Variants in DLG2 observed in about 807,000 individuals in gnomAD.
DLG2 encodes discs large MAGUK scaffold protein 2.
In DLG2, 45 loss-of-function variants were observed where a neutral mutation model predicts 132.5. The observed-to-expected ratio is 0.34, with a 90% CI of 0.27 to 0.44. The LOEUF (loss-of-function observed/expected upper bound fraction) is 0.44, where lower values mean the gene tolerates loss of function less well. Ranked by LOEUF, DLG2 falls within the 20% of genes least tolerant of loss-of-function variation. DLG2 has a pLI of 1.00. For synonymous variants in DLG2, 424 were observed against 419.6 expected (o/e 1.01, Z -0.13); for missense variants, 1,045 against 1,196.9 (o/e 0.87, Z 1.87).
chr11:83,724,859 A>C, intron 18 of DLG2: 1 of 702,492 alleles, frequency 1.4e-6, no homozygotes, highest in South Asian at 1.5e-5. Flanking sequence ...TTCTCACCAC[A>C]GCTCTTTAGC....
At chr11:84,029,018 A>G (rs1351958652) in intron 11 of DLG2, among the ~76,000 whole-genome samples, 1 of 152,150 alleles carries the variant, frequency 6.6e-6, no homozygotes, top group African/African-American at 2.4e-5. Context: ...AATCAACTTT[A>G]AACAATTACT....
At chr11:84,908,270 A>G (rs10898328) in intron 6 of DLG2, among the ~76,000 whole-genome samples, 73,974 of 152,056 alleles carry the variant, frequency 0.49, 18,365 homozygotes, top group South Asian at 0.55. Context: ...ACAAAATATT[A>G]TCAATTCAAC....
intron 6 of DLG2, among the ~76,000 whole-genome samples, chr11:85,061,230 T>C (rs562741820): frequency 9.2e-5 from 14 of 151,850 alleles, no homozygotes; most frequent in Non-Finnish European, 1.9e-4. Context: ...TAGTTTGATA[T>C]AGTCCCACTT....
chr11:84,079,227 G>C (rs2096869314), intron 10 of DLG2, among the ~76,000 whole-genome samples: 1 of 150,548 alleles, frequency 6.6e-6, no homozygotes, highest in Admixed American at 6.6e-5. Flanking sequence ...CTTAGTTCAA[G>C]TTACAATCTT....
At chr11:83,714,711 T>C (rs1384016784) in intron 18 of DLG2, among the ~76,000 whole-genome samples, 2 of 152,232 alleles carry the variant, frequency 1.3e-5, no homozygotes, top group Non-Finnish European at 2.9e-5. Context: ...AACTCACTAC[T>C]GATAACTATA....
At chr11:84,715,071 C>T (rs571975100) in intron 6 of DLG2, among the ~76,000 whole-genome samples, 39 of 152,106 alleles carry the variant, frequency 2.6e-4, no homozygotes, top group African/African-American at 9.4e-4. Context: ...TCCAAATACT[C>T]ACCAGAAAAA....
At chr11:84,688,757 A>G (rs1173776072) in intron 6 of DLG2, among the ~76,000 whole-genome samples, 2 of 152,166 alleles carry the variant, frequency 1.3e-5, no homozygotes, top group African/African-American at 2.4e-5. Flanking sequence ...CAGCTCAAAT[A>G]TGACCCTTCC....
intron 4 of DLG2, among the ~76,000 whole-genome samples, chr11:85,278,340 T>A (rs79048497): frequency 3.9e-5 from 6 of 152,190 alleles, no homozygotes; most frequent in African/African-American, 1.4e-4. Flanking sequence ...TGGGTTGCTA[T>A]AGAGATTAAG....
intron 10 of DLG2, among the ~76,000 whole-genome samples, chr11:84,061,714 T>C (rs917216593): frequency 3.9e-5 from 6 of 152,182 alleles, no homozygotes; most frequent in Admixed American, 3.9e-4. Context: ...ATAGGAACTC[T>C]TGCCTCAGTA....
intron 3 of DLG2, among the ~76,000 whole-genome samples, chr11:85,447,486 G>A (rs2092062583): frequency 6.6e-6 from 1 of 152,134 alleles, no homozygotes; most frequent in Admixed American, 6.5e-5. Context: ...AAGACCATAT[G>A]ACAATACAAG....
intron 18 of DLG2, among the ~76,000 whole-genome samples, chr11:83,673,559 T>C (rs765627967): frequency 2.0e-5 from 3 of 152,208 alleles, no homozygotes; most frequent in Non-Finnish European, 4.4e-5. Context: ...GAAGGCCCAC[T>C]AGCACTTTTT....
chr11:83,747,322 T>TCCTTCCTTCCTG (rs2092991875), intron 18 of DLG2, among the ~76,000 whole-genome samples: 1 of 109,794 alleles, frequency 9.1e-6, no homozygotes, highest in Non-Finnish European at 2.2e-5. Flanking sequence ...CTTCCTTCCT[T>TCCTTCCTTCCTG]CCTTCCTGCC....
chr11:83,609,419 A>G (rs1014020593), intron 19 of DLG2, among the ~76,000 whole-genome samples: 1 of 152,206 alleles, frequency 6.6e-6, no homozygotes, highest in Non-Finnish European at 1.5e-5. Flanking sequence ...TCCAAGCACA[A>G]CTAGGGCAGA....
intron 3 of DLG2, among the ~76,000 whole-genome samples, chr11:85,319,028 C>T (rs1047418674): frequency 1.3e-5 from 2 of 151,888 alleles, no homozygotes; most frequent in Non-Finnish European, 2.9e-5. Flanking sequence ...GAACATCTCA[C>T]AAATGCCTAG....
chr11:83,731,381 CGTA>C (rs1445953463), intron 18 of DLG2, among the ~76,000 whole-genome samples: 1 of 152,118 alleles, frequency 6.6e-6, no homozygotes, highest in African/African-American at 2.4e-5. Flanking sequence ...AGTGAGAACA[CGTA>C]GTGTTTAATT....
chr11:84,375,961 A>C (rs929962233), intron 7 of DLG2, among the ~76,000 whole-genome samples: 1 of 152,002 alleles, frequency 6.6e-6, no homozygotes, highest in Non-Finnish European at 1.5e-5. Context: ...CATTTCATAC[A>C]AACTTGACCC....
intron 7 of DLG2, among the ~76,000 whole-genome samples, chr11:84,412,941 T>C (rs1350686733): frequency 4.6e-5 from 7 of 152,360 alleles, no homozygotes; most frequent in Admixed American, 4.6e-4. Context: ...AAAATTCTTT[T>C]ATTCATCTTG....
chr11:83,676,694 A>G (rs1409169053), intron 18 of DLG2, among the ~76,000 whole-genome samples: 1 of 152,194 alleles, frequency 6.6e-6, no homozygotes, highest in Non-Finnish European at 1.5e-5. Context: ...AATACTTCCA[A>G]CAATGCATTC....
chr11:83,895,112 A>G (rs1486984504), intron 15 of DLG2, among the ~76,000 whole-genome samples: 1 of 149,398 alleles, frequency 6.7e-6, no homozygotes, highest in African/African-American at 2.5e-5. Flanking sequence ...ATACATGTGT[A>G]TCAGGAAACA....
Sources: allele counts gnomAD v4.1 joint callset (sites outside exome capture counted in the v4.1 genomes callset), GRCh38; gene constraint gnomAD v4.1.1; transcripts MANE v1.5; gene names NCBI Gene and HGNC (gene_info 2026-07-23, HGNC 2026-07-21).